Variants in TRIM6 observed in about 807,000 individuals in gnomAD.
TRIM6 encodes the protein tripartite motif-containing protein 6.
In TRIM6, 43 loss-of-function variants were observed where a neutral mutation model predicts 51.2. The observed-to-expected ratio is 0.84, with a 90% CI of 0.66 to 1.08. The LOEUF (loss-of-function observed/expected upper bound fraction) is 1.08. Ranked by LOEUF, TRIM6 falls within the 50% of genes least tolerant of loss-of-function variation. The probability of loss-of-function intolerance (pLI) is 0.00; values close to 1 mark genes in which losing one functional copy is unlikely to be tolerated. For missense variants in TRIM6, 669 were observed against 619.0 expected (o/e 1.08, Z -0.86); for synonymous variants, 215 against 232.4 (o/e 0.93, Z 0.68).
At chr11:5,602,069 C>CA (rs1175357039) in intron 1 of TRIM6, among the ~76,000 whole-genome samples, 2 of 152,084 alleles carry the variant, frequency 1.3e-5, no homozygotes, top group African/African-American at 4.8e-5. Flanking sequence ...CAACCATGAA[C>CA]AAAAAGTCTC....
Position 5,610,922 on chromosome 11 carries a change from C to A in TRIM6, c.1131C>A (p.His377Gln), listed in dbSNP as rs1470923160. Residue 377 changes from histidine to glutamine, a missense_variant, in exon 8 of 8, where the codon CAC becomes CAA. By Grantham distance (24) the His-to-Gln change is conservative (BLOSUM62 0). Coordinates refer to ENST00000380097, the MANE Select transcript of TRIM6 (RefSeq NM_001003818.3). ...ACTGTAGTGTCCTGGGCTCCCAGCA[C>A]TTCTCCTCTGGTAAGCATTACTGGG... ...HYDCSVLGSQ[H>Q]FSSGKHYWEV... 6.2e-7 allele frequency: 1 copy of A among 1,614,204 alleles called. No individual in the cohort carries two copies. The highest frequency in any genetic ancestry group is 1.1e-5 in the South Asian group (1 of 91,080).
rs1373263698 is a variant in TRIM6, at chr11:5,611,215, A to G, written c.1424A>G (p.Tyr475Cys). The change falls in exon 8 of 8, where the codon TAT becomes TGT. Residue 475 changes from tyrosine to cysteine, a missense_variant. Coordinates refer to ENST00000380097, the MANE Select transcript of TRIM6 (RefSeq NM_001003818.3). Reference sequence around the variant, plus strand: ...TATGAGGCTGGTACTGTCTCCTTTTATAATGTCACAAACCATGGCTTCCCC... The same window carrying G: ...TATGAGGCTGGTACTGTCTCCTTTTGTAATGTCACAAACCATGGCTTCCCC... ...LDYEAGTVSF[Y>C]NVTNHGFPIY... 1.2e-6 allele frequency: 2 copies of G among 1,613,382 alleles called. No individual in the cohort carries two copies. Among genetic ancestry groups the G allele is most frequent in the Non-Finnish European group, 1.7e-6 (2 of 1,179,788 alleles).
chr11:5,599,380 A>ATTTTTT, intron 1 of TRIM6, among the ~76,000 whole-genome samples: 1 of 99,236 alleles, frequency 1.0e-5, no homozygotes, highest in South Asian at 3.5e-4. Context: ...CAATACAATT[A>ATTTTTT]TTATATTTAT....
At chr11:5,603,099 C>A in intron 1 of TRIM6, 147 bp from the exon 2 acceptor site, 1 of 1,361,568 alleles carries the variant, frequency 7.3e-7, no homozygotes. Flanking sequence ...TTGTATGAGC[C>A]GGGATAAAGA....
chr11:5,599,610 A>G (rs1847708971), intron 1 of TRIM6, among the ~76,000 whole-genome samples: 1 of 152,054 alleles, frequency 6.6e-6, no homozygotes, highest in Non-Finnish European at 1.5e-5. Context: ...TCACCGTGTT[A>G]GCCAGGATGG....
intron 1 of TRIM6, 142 bp from the exon 2 acceptor site, chr11:5,603,104 T>G: frequency 1.4e-6 from 2 of 1,392,384 alleles, no homozygotes; most frequent in Non-Finnish European, 1.9e-6. Flanking sequence ...TGAGCCGGGA[T>G]AAAGAACGTA....
intron 1 of TRIM6, among the ~76,000 whole-genome samples, chr11:5,602,060 A>G (rs906409200): frequency 6.6e-5 from 10 of 152,262 alleles, no homozygotes; most frequent in African/African-American, 2.4e-4. Context: ...CCGAAGATAC[A>G]ACCATGAACA....
intron 1 of TRIM6, among the ~76,000 whole-genome samples, chr11:5,601,525 A>C (rs1236376783): frequency 1.3e-5 from 2 of 152,144 alleles, no homozygotes; most frequent in Admixed American, 1.3e-4. Flanking sequence ...TGGGAGGCCA[A>C]GGCAGGCAGA....
Position 5,603,374 on chromosome 11 carries a change from T to G in TRIM6, c.146T>G (p.Leu49Arg), listed in dbSNP as rs1192177727. ...GTGACCTGCCCTATCTGCCTGGAGC[T>G]CCTAACAGAACCCCTGAGCATAGAC... Reference protein sequence around the residue: ...EEVTCPICLELLTEPLSIDCG... With the variant: ...EEVTCPICLERLTEPLSIDCG... The change falls in exon 2 of 8, where the codon CTC (leucine) becomes CGC (arginine). Residue 49 changes from leucine (L) to arginine (R), a missense_variant. Physicochemically the swap from Leu to Arg is moderately radical, Grantham distance 102. Coordinates refer to ENST00000380097, the MANE Select transcript of TRIM6 (RefSeq NM_001003818.3). 3 of 1,613,934 alleles carry G rather than the reference T, an allele frequency of 1.9e-6. No individual in the cohort carries two copies. The highest frequency in any genetic ancestry group is 2.5e-6 in the Non-Finnish European group (3 of 1,179,990).
chr11:5,600,651 A>G (rs1395505562), intron 1 of TRIM6, among the ~76,000 whole-genome samples: 3 of 151,754 alleles, frequency 2.0e-5, no homozygotes, highest in African/African-American at 7.3e-5. Context: ...GATGGGGGTA[A>G]ATTGGTACAA....
intron 1 of TRIM6, among the ~76,000 whole-genome samples, chr11:5,602,535 T>G (rs1023593003): frequency 2.0e-5 from 3 of 151,818 alleles, no homozygotes; most frequent in Non-Finnish European, 2.9e-5. Context: ...GGTAGGAAGC[T>G]AGTAAGTCAT....
chr11:5,596,885 T>G lies in TRIM6; in HGVS notation c.-13T>G. Reference sequence around the variant, plus strand: ...TGCTTACATCTGGAACTTCTTGGCTTCTCATTCCCCAGATGTGCGGGTCAG... The same window carrying G: ...TGCTTACATCTGGAACTTCTTGGCTGCTCATTCCCCAGATGTGCGGGTCAG... On this transcript the variant is annotated 5_prime_UTR_variant, in exon 1 of 8. Coordinates refer to ENST00000380097, the MANE Select transcript of TRIM6 (RefSeq NM_001003818.3). 6.2e-7 allele frequency: 1 copy of G among 1,614,014 alleles called. No individual in the cohort carries two copies. The highest frequency in any genetic ancestry group is 8.5e-7 in the Non-Finnish European group (1 of 1,179,988).
Position 5,604,642 on chromosome 11 carries a change from T to C in TRIM6, c.603+13T>C, listed in dbSNP as rs778694212. On this transcript the variant is annotated intron_variant, in intron 3 of 7. Transcript: ENST00000380097. The stretch of plus-strand genomic sequence containing the variant: ...AACATCCTGGAAGGCAAGGGAGACT[T>C]TTTCTGAAGATGTCCTGGGGCAGGA... 6.2e-6 allele frequency: 10 copies of C among 1,608,086 alleles called. No homozygotes were observed. The highest frequency in any genetic ancestry group is 1.1e-5 in the South Asian group (1 of 89,678).
Position 5,604,416 on chromosome 11 carries a change from C to T in TRIM6, c.508-118C>T, listed in dbSNP as rs74711448. Reference sequence around the variant, plus strand: ...TTTGTTGGCCCTCTCAAGTTTTCATCCTAGGTTAGGACAGGCTTCTTTTGA... The same window carrying T: ...TTTGTTGGCCCTCTCAAGTTTTCATTCTAGGTTAGGACAGGCTTCTTTTGA... On this transcript the variant is annotated intron_variant, in intron 2 of 7. Coordinates refer to ENST00000380097, the MANE Select transcript of TRIM6 (RefSeq NM_001003818.3). 1.4e-4 allele frequency: 161 copies of T among 1,136,944 alleles called. 1 individual carries two copies. In the East Asian group the frequency reaches 4.1e-3, roughly 29 times the overall value. The allele number at this position is 1,136,944 out of a possible 1,614,324, so 70.4% of individuals were successfully genotyped here.
chr11:5,609,103 G>A (rs1447450039), intron 5 of TRIM6, among the ~76,000 whole-genome samples: 3 of 152,028 alleles, frequency 2.0e-5, no homozygotes, highest in African/African-American at 4.8e-5. Context: ...GAGCTCTGGA[G>A]GATAATAATT....
In TRIM6 at chr11:5,612,890, T is replaced by C. The variant is rs1848629832; in HGVS notation, c.*1548T>C. 6.6e-6 allele frequency: 1 copy of C among 152,232 alleles called. No homozygotes were observed. Among genetic ancestry groups the C allele is most frequent in the Non-Finnish European group, 1.5e-5 (1 of 68,034 alleles). The allele number at this position is 152,232 out of a possible 1,614,324, so 9.4% of individuals were successfully genotyped here. On this transcript the variant is annotated 3_prime_UTR_variant, in exon 8 of 8. Coordinates refer to ENST00000380097, the MANE Select transcript of TRIM6 (RefSeq NM_001003818.3). Reference sequence around the variant, plus strand: ...AAATATCTCACTAATAACTTTTCCTTTGTGTATTGCAATGATAATATGTTG... The same window carrying C: ...AAATATCTCACTAATAACTTTTCCTCTGTGTATTGCAATGATAATATGTTG...
Position 5,610,900 on chromosome 11 carries a change from G to A in TRIM6, c.1109G>A (p.Cys370Tyr). The A allele has an allele frequency of 6.2e-7, 1 of 1,614,210 alleles. No individual in the cohort carries two copies. Reference sequence around the variant, plus strand: ...TCCTGTCTGGAAAAGCATTATGACTGTAGTGTCCTGGGCTCCCAGCACTTC... The same window carrying A: ...TCCTGTCTGGAAAAGCATTATGACTATAGTGTCCTGGGCTCCCAGCACTTC... Reference protein sequence around the residue: ...GPSCLEKHYDCSVLGSQHFSS... With the variant: ...GPSCLEKHYDYSVLGSQHFSS... The change falls in exon 8 of 8, where the codon TGT (cysteine) becomes TAT (tyrosine). Residue 370 changes from cysteine (C) to tyrosine (Y), a missense_variant. Physicochemically the swap from Cys to Tyr is radical, Grantham distance 194. Coordinates refer to ENST00000380097, the MANE Select transcript of TRIM6 (RefSeq NM_001003818.3).
chr11:5,601,313 G>C (rs1590085202), intron 1 of TRIM6, among the ~76,000 whole-genome samples: 2 of 152,176 alleles, frequency 1.3e-5, no homozygotes, highest in Non-Finnish European at 2.9e-5. Context: ...AACTTACAAG[G>C]TGCATGATTG....
chr11:5,605,279 T>C, intron 3 of TRIM6, 58 bp from the exon 4 acceptor site: 1 of 1,610,112 alleles, frequency 6.2e-7, no homozygotes, highest in Admixed American at 1.7e-5. Flanking sequence ...CCGCTTTTAA[T>C]AGAGGAGACC....
Sources: gnomAD v4.1 joint callset for allele counts (sites outside exome capture counted in the v4.1 genomes callset) on GRCh38, gnomAD v4.1.1 for gene constraint, MANE v1.5 for transcripts, NCBI Gene and HGNC (gene_info 2026-07-23, HGNC 2026-07-21) for gene names.